GPHN: variants seen among roughly 807,000 people sequenced by gnomAD.
GPHN encodes the protein gephyrin.
GPHN carries 17 observed loss-of-function variants against 95.5 expected under a neutral mutation model. That is an observed-to-expected ratio of 0.18 (90% CI 0.12 to 0.27). The LOEUF (loss-of-function observed/expected upper bound fraction) is 0.27. GPHN is among the 10% of genes least tolerant of loss of function. The probability of loss-of-function intolerance (pLI) is 1.00; values close to 1 mark genes in which losing one functional copy is unlikely to be tolerated. For missense variants in GPHN, 660 were observed against 978.1 expected (o/e 0.67, Z 4.34); for synonymous variants, 320 against 322.5 (o/e 0.99, Z 0.08).
At chr14:67,340,159 G>T in the GPHN span, 1 of 313,632 alleles carries the variant, frequency 3.2e-6, no homozygotes, top group Non-Finnish European at 6.0e-6. Context: ...TTTCACTACT[G>T]CATTTGACTA....
At chr14:67,379,654 C>CTTTTTTTTTTT in the GPHN span, among the ~76,000 whole-genome samples, 182 of 119,930 alleles carry the variant, frequency 1.5e-3, 6 homozygotes, top group East Asian at 5.1e-3. Context: ...TTTTCTTTTT[C>CTTTTTTTTTTT]TTTTTTTTTT....
chr14:67,515,462 T>C, the GPHN span: 3 of 169,104 alleles, frequency 1.8e-5, no homozygotes, highest in Non-Finnish European at 3.7e-5. Context: ...ACGGATGCGC[T>C]GCAAACTGCA....
At chr14:67,491,082 T>C in the GPHN span, among the ~76,000 whole-genome samples, 4 of 152,216 alleles carry the variant, frequency 2.6e-5, no homozygotes, top group Non-Finnish European at 5.9e-5. Context: ...TCGTCACCTA[T>C]ACTTCTGAAC....
Position 67,149,613 on chromosome 14 carries a change from T to G in GPHN, c.1836+6164T>G, listed in dbSNP as rs953234020. Among the ~76,000 whole-genome samples the G allele has an allele frequency of 3.9e-5, 6 of 152,218 alleles. No individual in the cohort carries two copies. The East Asian group carries it at 9.6e-4, about 24-fold the overall frequency. ...TCCTTGAAAAACAAAAGAACACTTA[T>G]AGTTATACTTCTCTGTCATTATTGT... On this transcript the variant is annotated intron_variant, in intron 18 of 22. Transcript: ENST00000478722.
At chr14:66,643,253 C>G (rs2064536138) in intron 1 of GPHN, among the ~76,000 whole-genome samples, 1 of 151,980 alleles carries the variant, frequency 6.6e-6, no homozygotes, top group African/African-American at 2.4e-5. Flanking sequence ...GATGCCTTTT[C>G]CAAGTGTTTG....
At chr14:67,554,935 C>T in the GPHN span, among the ~76,000 whole-genome samples, 2 of 152,098 alleles carry the variant, frequency 1.3e-5, no homozygotes, top group South Asian at 2.1e-4. Context: ...TTTTTTGAGA[C>T]AGGACCTTGC....
At chr14:66,740,752 A>G (rs759893974) in intron 2 of GPHN, among the ~76,000 whole-genome samples, 4 of 152,222 alleles carry the variant, frequency 2.6e-5, no homozygotes, top group Non-Finnish European at 5.9e-5. Flanking sequence ...GAAAATTTAT[A>G]AAGAGTAAGG....
chr14:66,585,770 C>T (rs928281258), intron 1 of GPHN, among the ~76,000 whole-genome samples: 2 of 152,104 alleles, frequency 1.3e-5, no homozygotes, highest in Non-Finnish European at 2.9e-5. Flanking sequence ...GTTATAATTT[C>T]TGTTCTTTTA....
chr14:66,673,009 T>G (rs551245040), intron 1 of GPHN, among the ~76,000 whole-genome samples: 1 of 152,292 alleles, frequency 6.6e-6, no homozygotes, highest in African/African-American at 2.4e-5. Flanking sequence ...TCTTCTACCT[T>G]TTGTGTTTCT....
intron 2 of GPHN, among the ~76,000 whole-genome samples, chr14:66,729,850 C>T (rs970722559): frequency 2.6e-5 from 4 of 152,144 alleles, no homozygotes; most frequent in African/African-American, 9.7e-5. Flanking sequence ...GTAGTAATTC[C>T]CATTTTTTGT....
At chr14:66,981,678 T>A (rs755100618) in intron 9 of GPHN, among the ~76,000 whole-genome samples, 7 of 152,084 alleles carry the variant, frequency 4.6e-5, no homozygotes, top group South Asian at 2.1e-4. Context: ...GTAAACTAGA[T>A]CTAAAAATAA....
At chr14:67,238,272 T>C in the GPHN span, among the ~76,000 whole-genome samples, 5 of 147,592 alleles carry the variant, frequency 3.4e-5, no homozygotes, top group African/African-American at 5.0e-5. Flanking sequence ...TTGCTTTCTT[T>C]TTTTTTTTTT....
At chr14:67,693,032 A>AC in the GPHN span, 1 of 1,612,782 alleles carries the variant, frequency 6.2e-7, no homozygotes, top group East Asian at 2.2e-5. Context: ...TGATGTACAC[A>AC]CCCCACTGGA....
chr14:67,435,293 C>T, the GPHN span, among the ~76,000 whole-genome samples: 1 of 152,092 alleles, frequency 6.6e-6, no homozygotes, highest in Admixed American at 6.6e-5. Context: ...AAGCTACCAG[C>T]TCCACTCCCA....
the GPHN span, chr14:67,349,210 C>A: frequency 1.9e-6 from 2 of 1,074,706 alleles, no homozygotes; most frequent in South Asian, 1.5e-5. Context: ...TGAGATGTCA[C>A]AATTAAGTAT....
intron 5 of GPHN, among the ~76,000 whole-genome samples, chr14:66,898,734 A>T (rs572689430): frequency 1.3e-5 from 2 of 151,808 alleles, no homozygotes; most frequent in African/African-American, 2.4e-5. Context: ...TTTTCCATGT[A>T]AATTTTAGAA....
chr14:66,941,040 G>A (rs975967192), intron 8 of GPHN, among the ~76,000 whole-genome samples: 3 of 152,052 alleles, frequency 2.0e-5, no homozygotes, highest in African/African-American at 7.2e-5. Context: ...CACCTGGCAG[G>A]ATTTGCAGGT....
At chr14:67,574,323 CTGCTGAAGG>C in the GPHN span, 20 of 1,604,708 alleles carry the variant, frequency 1.2e-5, no homozygotes, top group African/African-American at 2.7e-5. This position sits in a 1 kb window ranked among gnomAD's most constrained non-coding sequence, Gnocchi z 4.2. Context: ...ACTCCAGAGC[CTGCTGAAGG>C]TGCAGGCCAC....
the GPHN span, chr14:67,208,289 A>G: frequency 3.0e-5 from 48 of 1,614,036 alleles, no homozygotes; most frequent in East Asian, 3.1e-4. Flanking sequence ...ACATGTCACC[A>G]TCTCAAACAT....
Sources: allele counts gnomAD v4.1 joint callset (sites outside exome capture counted in the v4.1 genomes callset), GRCh38; gene constraint gnomAD v4.1.1; non-coding constraint Gnocchi (gnomAD v3.1); transcripts MANE v1.5; gene names NCBI Gene and HGNC (gene_info 2026-07-23, HGNC 2026-07-21).